MIR2052HG: variants seen among roughly 807,000 people sequenced by gnomAD.
MIR2052HG encodes the protein MIR2052 host gene.
intron 2 of MIR2052HG, among the ~76,000 whole-genome samples, chr8:74,669,667 C>G (rs1457390063): frequency 6.6e-6 from 1 of 152,134 alleles, no homozygotes; most frequent in Non-Finnish European, 1.5e-5. Context: ...GTCTTTTGTA[C>G]ACACCAGTTC....
chr8:74,637,756 G>T (rs927212242), intron 2 of MIR2052HG, among the ~76,000 whole-genome samples: 1 of 152,022 alleles, frequency 6.6e-6, no homozygotes, highest in African/African-American at 2.4e-5. Context: ...ACATTTTTGG[G>T]TATGGCATGA....
At chr8:74,747,609 C>T (rs564136563) in intron 4 of MIR2052HG, among the ~76,000 whole-genome samples, 124 of 152,238 alleles carry the variant, frequency 8.1e-4, no homozygotes, top group Non-Finnish European at 1.5e-3. Flanking sequence ...TCTTTACTTA[C>T]CTGACCAATG....
intron 2 of MIR2052HG, among the ~76,000 whole-genome samples, chr8:74,669,194 C>T (rs1264469313): frequency 1.3e-5 from 2 of 152,212 alleles, no homozygotes; most frequent in Admixed American, 1.3e-4. Flanking sequence ...ATCAGAACTA[C>T]ACTGCTCGAT....
chr8:74,604,359 CTGGAAG>C (rs1199073827), intron 1 of MIR2052HG: 21 of 296,682 alleles, frequency 7.1e-5, no homozygotes, highest in Non-Finnish European at 1.1e-4. Context: ...GGGGAATGGG[CTGGAAG>C]GGGAAGGGCG....
intron 4 of MIR2052HG, among the ~76,000 whole-genome samples, chr8:74,733,808 T>C (rs1809720002): frequency 6.7e-6 from 1 of 149,280 alleles, no homozygotes; most frequent in Non-Finnish European, 1.5e-5. Context: ...ATTGTGGTTT[T>C]GATTTGCATT....
At chr8:74,640,111 T>C (rs2128735182) in intron 2 of MIR2052HG, among the ~76,000 whole-genome samples, 1 of 152,244 alleles carries the variant, frequency 6.6e-6, no homozygotes, top group Non-Finnish European at 1.5e-5. Flanking sequence ...AGCAAGAGCA[T>C]TTAAATTAAT....
At chr8:74,650,995 T>C (rs1808745322) in intron 2 of MIR2052HG, among the ~76,000 whole-genome samples, 1 of 152,188 alleles carries the variant, frequency 6.6e-6, no homozygotes, top group South Asian at 2.1e-4. Context: ...TTTATTGCAC[T>C]CTGTGTCATC....
chr8:74,686,384 C>A (rs115924974), intron 2 of MIR2052HG, among the ~76,000 whole-genome samples: 158 of 152,050 alleles, frequency 1.0e-3, no homozygotes, highest in African/African-American at 3.5e-3. Flanking sequence ...AGTCAAAAGT[C>A]TTATTTTGTT....
chr8:74,664,553 T>C (rs1027382087), intron 2 of MIR2052HG, among the ~76,000 whole-genome samples: 4 of 152,214 alleles, frequency 2.6e-5, no homozygotes, highest in Non-Finnish European at 5.9e-5. Context: ...ATTTTGCTCT[T>C]GTTGCCCAGG....
intron 2 of MIR2052HG, among the ~76,000 whole-genome samples, chr8:74,688,430 A>G (rs1175138498): frequency 6.6e-6 from 1 of 152,216 alleles, no homozygotes; most frequent in Non-Finnish European, 1.5e-5. Context: ...ATATCTGAAA[A>G]TAAATGTTTA....
intron 2 of MIR2052HG, among the ~76,000 whole-genome samples, chr8:74,696,824 T>A (rs1430759954): frequency 1.3e-5 from 2 of 151,552 alleles, no homozygotes; most frequent in Non-Finnish European, 2.9e-5. Context: ...AAAATGGTAA[T>A]TTAAAAAATG....
At chr8:74,617,369 T>A (rs1808298194) in intron 2 of MIR2052HG, among the ~76,000 whole-genome samples, 1 of 152,192 alleles carries the variant, frequency 6.6e-6, no homozygotes, top group South Asian at 2.1e-4. Context: ...TGAGTTATTT[T>A]ACTTAGGATA....
intron 2 of MIR2052HG, among the ~76,000 whole-genome samples, chr8:74,649,738 G>C (rs1416976828): frequency 6.6e-6 from 1 of 151,996 alleles, no homozygotes; most frequent in Non-Finnish European, 1.5e-5. Context: ...TTTCTCATGG[G>C]TAGTTTGAAG....
intron 1 of MIR2052HG, chr8:74,609,723 TATA>T (rs1335259152): frequency 4.0e-5 from 6 of 149,032 alleles, no homozygotes; most frequent in African/African-American, 1.5e-4. Flanking sequence ...GTATTTTATT[TATA>T]ATAATAAATA....
intron 1 of MIR2052HG, chr8:74,610,033 C>T (rs1808170004): frequency 6.6e-6 from 1 of 151,576 alleles, no homozygotes; most frequent in South Asian, 2.1e-4. Context: ...ATGTATGGCA[C>T]CAACTACCTG....
intron 4 of MIR2052HG, among the ~76,000 whole-genome samples, chr8:74,713,007 A>G (rs1035574013): frequency 2.0e-5 from 3 of 152,160 alleles, no homozygotes; most frequent in African/African-American, 4.8e-5. Context: ...TGTAGTATAC[A>G]GGCAAGAACC....
At chr8:74,624,233 C>G (rs1410732769) in intron 2 of MIR2052HG, among the ~76,000 whole-genome samples, 2 of 152,232 alleles carry the variant, frequency 1.3e-5, no homozygotes, top group Non-Finnish European at 2.9e-5. Flanking sequence ...AAGTGATTCT[C>G]TTCAAATTGA....
chr8:74,706,592 C>T (rs1809413482), intron 4 of MIR2052HG, among the ~76,000 whole-genome samples: 3 of 151,998 alleles, frequency 2.0e-5, no homozygotes, highest in Non-Finnish European at 2.9e-5. Flanking sequence ...CCTTGGTCTC[C>T]AGTTCTCTTG....
intron 4 of MIR2052HG, among the ~76,000 whole-genome samples, chr8:74,710,124 A>G (rs1809452862): frequency 6.6e-6 from 1 of 152,088 alleles, no homozygotes; most frequent in Admixed American, 6.6e-5. Flanking sequence ...AAACCATTTG[A>G]TTTGCATTAT....
Sources: allele counts gnomAD v4.1 joint callset (sites outside exome capture counted in the v4.1 genomes callset), GRCh38; gene constraint gnomAD v4.1.1; transcripts MANE v1.5; gene names NCBI Gene and HGNC (gene_info 2026-07-23, HGNC 2026-07-21).